PLAT: variants seen among roughly 807,000 people sequenced by gnomAD.
PLAT encodes the protein tissue-type plasminogen activator.
A neutral mutation model predicts 74.9 loss-of-function variants in PLAT; 48 were observed. The ratio of observed to expected loss-of-function variants is 0.64; its 90% CI spans 0.51 to 0.82. The LOEUF is 0.82. PLAT is among the 40% of genes least tolerant of loss of function. The probability of loss-of-function intolerance (pLI) is 0.00; values close to 1 mark genes in which losing one functional copy is unlikely to be tolerated. For missense variants in PLAT, 673 were observed against 736.2 expected, an observed-to-expected ratio of 0.91 and a Z score of 0.99; for synonymous variants, 307 against 294.4, an observed-to-expected ratio of 1.04 and a Z score of -0.44.
intron 1 of PLAT, among the ~76,000 whole-genome samples, chr8:42,205,219 A>G (rs1014220557): frequency 6.6e-6 from 1 of 152,008 alleles, no homozygotes; most frequent in Non-Finnish European, 1.5e-5. Context: ...CCTCTGCCCT[A>G]TTGTTTTTGT....
intron 13 of PLAT, among the ~76,000 whole-genome samples, 161 bp downstream of exon 13, chr8:42,178,736 T>G (rs1564125182): frequency 6.6e-6 from 1 of 152,250 alleles, no homozygotes; most frequent in African/African-American, 2.4e-5. Flanking sequence ...CTTCCTCCAG[T>G]TGCTTTATTC....
intron 1 of PLAT, among the ~76,000 whole-genome samples, chr8:42,198,122 C>G (rs1805985633): frequency 6.6e-6 from 1 of 152,172 alleles, no homozygotes; most frequent in Non-Finnish European, 1.5e-5. Flanking sequence ...CACTTGAACC[C>G]AGGAGTTCGA....
intron 9 of PLAT, among the ~76,000 whole-genome samples, chr8:42,181,531 TA>T (rs975047107): frequency 6.6e-6 from 1 of 152,072 alleles, no homozygotes; most frequent in Non-Finnish European, 1.5e-5. Flanking sequence ...TCCTACTCAG[TA>T]AACTGGAGGT....
chr8:42,195,164 C>G (rs1805858287), intron 1 of PLAT, among the ~76,000 whole-genome samples: 1 of 147,202 alleles, frequency 6.8e-6, no homozygotes, highest in South Asian at 2.4e-4. Flanking sequence ...ACAGGGGCTT[C>G]CAGGCCTTGC....
chr8:42,174,788 C>G lies in PLAT; in HGVS notation c.*1205G>C, dbSNP rs960182142. On this transcript the variant is annotated 3_prime_UTR_variant, in exon 14 of 14. Coordinates refer to ENST00000220809, the MANE Select transcript of PLAT (RefSeq NM_000930.5). ...ATAATCTAAATTCCAGCCTATGTTC[C>G]TCTTCCTGAAGTTCACTTCAGACAA... is the stretch of plus-strand genomic sequence containing the variant. 6.6e-6 allele frequency among the ~76,000 whole-genome samples: 1 copy of G among 152,082 alleles called. No individual in the cohort carries two copies. The highest frequency in any genetic ancestry group is 1.5e-5 in the Non-Finnish European group (1 of 68,020).
chr8:42,180,262 T>C lies in PLAT; in HGVS notation c.1202A>G (p.Asp401Gly), dbSNP rs762297581. Residue 401 changes from aspartate (D) to glycine (G), a missense_variant, in exon 11 of 14, where the codon GAC (aspartate) becomes GGC (glycine). Asp to Gly is a moderately conservative substitution (Grantham distance 94). Transcript: ENST00000220809. Reference protein sequence around the residue: ...KYIVHKEFDDDTYDNDIALLQ... With the variant: ...KYIVHKEFDDGTYDNDIALLQ... ...CTTACCAATGTCATTGTCGTAAGTG[T>C]CATCATCGAATTCCTTATGGACAAT... The C allele has an allele frequency of 6.2e-7, 1 of 1,614,242 alleles. No homozygotes were observed. The highest frequency in any genetic ancestry group is 8.5e-7 in the Non-Finnish European group (1 of 1,180,026).
At position 42,196,020 on chromosome 8, in the gene PLAT, C is replaced by T. The variant is rs536378241; in HGVS notation, c.-26-2809G>A. ...TTTTTTCCAGATGCCCACCAAGTTA[C>T]TTCTTTATTTCAAGAACTCAAAGTC... On this transcript the variant is annotated intron_variant, in intron 1 of 13. Transcript: ENST00000220809. Among the ~76,000 whole-genome samples, 6 of 152,342 alleles carry T rather than the reference C, an allele frequency of 3.9e-5. No individual in the cohort carries two copies. The East Asian group carries it at 7.7e-4, about 20-fold the overall frequency.
intron 1 of PLAT, among the ~76,000 whole-genome samples, chr8:42,194,043 C>CT (rs1805796061): frequency 2.1e-5 from 2 of 94,194 alleles, no homozygotes; most frequent in East Asian, 3.1e-4. Context: ...TTTCTTCTTT[C>CT]TTCTTTCTTT....
At chr8:42,182,664 C>A (rs1436124303) in intron 8 of PLAT, 55 bp downstream of exon 8, 5 of 1,374,724 alleles carry the variant, frequency 3.6e-6, no homozygotes, top group Admixed American at 2.2e-5. Flanking sequence ...CCCCGTCTCA[C>A]ACCCTAATCC....
chr8:42,197,107 G>T (rs934108843), intron 1 of PLAT, among the ~76,000 whole-genome samples: 1 of 152,224 alleles, frequency 6.6e-6, no homozygotes, highest in Non-Finnish European at 1.5e-5. Context: ...ATGAAGTTCA[G>T]CAGTCTCAGG....
chr8:42,179,064 C>G lies in PLAT; in HGVS notation c.1364-1G>C. ...AGCCGCTCCGAATAGAAAGGAGACA[C>G]TGAAAGGGGAGAACCATCATATGGT... On this transcript the variant is annotated splice_acceptor_variant, in intron 12 of 13. Transcript: ENST00000220809. LOFTEE classifies it high-confidence loss of function. The G allele has an allele frequency of 6.2e-7, 1 of 1,606,492 alleles. No homozygotes were observed. Among genetic ancestry groups the G allele is most frequent in the Non-Finnish European group, 8.5e-7 (1 of 1,175,058 alleles).
intron 1 of PLAT, among the ~76,000 whole-genome samples, chr8:42,206,348 T>C (rs1806329907): frequency 2.0e-5 from 3 of 152,218 alleles, no homozygotes; most frequent in Non-Finnish European, 2.9e-5. Context: ...AGTCCGACTC[T>C]GCCTGCACAG....
At chr8:42,204,416 A>G (rs1806254976) in intron 1 of PLAT, among the ~76,000 whole-genome samples, 1 of 152,188 alleles carries the variant, frequency 6.6e-6, no homozygotes, top group African/African-American at 2.4e-5. Flanking sequence ...ATTTATTCTG[A>G]GACTGCAGGT....
intron 8 of PLAT, chr8:42,182,233 T>C: frequency 2.2e-6 from 1 of 463,048 alleles, no homozygotes; most frequent in Non-Finnish European, 4.0e-6. Context: ...TTCAGCCACA[T>C]CACAGGCCAT....
chr8:42,191,307 T>A, intron 3 of PLAT, 65 bp downstream of exon 3: 1 of 1,335,338 alleles, frequency 7.5e-7, no homozygotes, highest in Non-Finnish European at 1.1e-6. Context: ...GGGTGGGTGA[T>A]GCACCCTGCA....
At chr8:42,203,799 T>A (rs1048267075) in intron 1 of PLAT, among the ~76,000 whole-genome samples, 1 of 151,886 alleles carries the variant, frequency 6.6e-6, no homozygotes, top group African/African-American at 2.4e-5. Flanking sequence ...ACTCTGCTTC[T>A]ACAAAAAAAT....
intron 8 of PLAT, 182 bp from the exon 9 acceptor site, chr8:42,182,204 T>A: frequency 2.0e-6 from 1 of 496,162 alleles, no homozygotes; most frequent in South Asian, 2.1e-5. Context: ...GCCAGGAGTT[T>A]AAGATTTTCA....
chr8:42,197,936 G>A (rs530747658), intron 1 of PLAT, among the ~76,000 whole-genome samples: 11 of 152,290 alleles, frequency 7.2e-5, no homozygotes, highest in East Asian at 1.9e-4. Flanking sequence ...GACATCCTGC[G>A]GTTTCTGTTC....
chr8:42,179,875 C>T (rs1336577980), intron 12 of PLAT, 51 bp downstream of exon 12: 1 of 1,492,118 alleles, frequency 6.7e-7, no homozygotes, highest in Admixed American at 2.3e-5. Context: ...GGACCGCAGC[C>T]TCCCCTGCTG....
Sources: allele counts gnomAD v4.1 joint callset (sites outside exome capture counted in the v4.1 genomes callset), GRCh38; gene constraint gnomAD v4.1.1; transcripts MANE v1.5; gene names NCBI Gene and HGNC (gene_info 2026-07-23, HGNC 2026-07-21).